The following ELAVL4 variants were observed in gnomAD, a reference collection of about 807,000 sequenced individuals.
The protein encoded by ELAVL4 is ELAV like RNA binding protein 4, also known as ELAV-like protein 4.
ELAVL4 carries 1 observed loss-of-function variant against 35.6 expected under a neutral mutation model. The observed-to-expected ratio is 0.03, with a 90% CI of 0.01 to 0.13. The LOEUF is 0.13. Among genes scored for constraint, ELAVL4 ranks in the 10% least tolerant of loss-of-function variants. The probability of loss-of-function intolerance (pLI) is 1.00; values close to 1 mark genes in which losing one functional copy is unlikely to be tolerated. For synonymous variants in ELAVL4, 156 were observed against 171.0 expected (o/e 0.91, Z 0.69); for missense variants, 267 against 464.9 (o/e 0.57, Z 3.91).
intron 1 of ELAVL4, among the ~76,000 whole-genome samples, chr1:50,091,381 A>G (rs754722380): frequency 1.3e-5 from 2 of 152,168 alleles, no homozygotes; most frequent in African/African-American, 2.4e-5. Flanking sequence ...TAATGAGGCT[A>G]TTTAGAAAGT....
At chr1:50,150,051 G>A (rs373150989) in intron 2 of ELAVL4, among the ~76,000 whole-genome samples, 7 of 152,256 alleles carry the variant, frequency 4.6e-5, no homozygotes, top group African/African-American at 1.7e-4. Context: ...GAAAAGCAAA[G>A]GAATAGAGCT....
chr1:50,201,201 AAT>A lies in ELAVL4; in HGVS notation c.*31_*32del, dbSNP rs1491235383. On this transcript the variant is annotated 3_prime_UTR_variant, in exon 7 of 7. Coordinates refer to ENST00000371824, the MANE Select transcript of ELAVL4 (RefSeq NM_001144774.3). The surrounding 1 kb of genome is among the most constrained non-coding windows in gnomAD (Gnocchi z 4.3). The stretch of plus-strand genomic sequence containing the variant: ...TGAATTTCCCATTCTTACTTACTAA[AAT>A]ATATATAGAAATATATACGAACAAA... 2 of 1,530,298 alleles carry A rather than the reference AAT, an allele frequency of 1.3e-6. No individual in the cohort carries two copies. The highest frequency in any genetic ancestry group is 4.7e-5 in the East Asian group (2 of 42,518). 94.8% of individuals were successfully genotyped at this position (1,530,298 alleles called of 1,614,324 possible). A position where few individuals can be genotyped will look rare whatever the true frequency, so the allele number is the denominator to read the frequency against.
chr1:50,155,456 A>G (rs1372992913), intron 2 of ELAVL4, among the ~76,000 whole-genome samples: 1 of 151,954 alleles, frequency 6.6e-6, no homozygotes, highest in Non-Finnish European at 1.5e-5. Flanking sequence ...AATTTTCCTC[A>G]TCTTTCTTGC....
chr1:50,153,397 T>C lies in ELAVL4; in HGVS notation c.250+8200T>C, dbSNP rs542265278. Reference sequence around the variant, plus strand: ...TGCCTGATCAGTGATTTTATTCCCATTTTGCAGATGCAGAACCCAAGACCT... The same window carrying C: ...TGCCTGATCAGTGATTTTATTCCCACTTTGCAGATGCAGAACCCAAGACCT... On this transcript the variant is annotated intron_variant, in intron 2 of 6. Coordinates refer to ENST00000371824, the MANE Select transcript of ELAVL4 (RefSeq NM_001144774.3). Among the ~76,000 whole-genome samples, 4 of 152,306 alleles carry C rather than the reference T, an allele frequency of 2.6e-5. No individual in the cohort carries two copies. In the East Asian group the frequency reaches 5.8e-4, roughly 22 times the overall value.
chr1:50,163,220 C>T (rs2148767033), intron 2 of ELAVL4, among the ~76,000 whole-genome samples: 1 of 152,270 alleles, frequency 6.6e-6, no homozygotes, highest in Non-Finnish European at 1.5e-5. Flanking sequence ...ATTCAGATAT[C>T]ACATCCTCCA....
At chr1:50,177,005 G>T in intron 2 of ELAVL4, 84 bp from the exon 3 acceptor site, 1 of 1,157,262 alleles carries the variant, frequency 8.6e-7, no homozygotes, top group South Asian at 1.4e-5. Flanking sequence ...CCTCTATAAA[G>T]ATACTGAGCA....
intron 5 of ELAVL4, among the ~76,000 whole-genome samples, chr1:50,197,032 G>C (rs1161411019): frequency 6.6e-6 from 1 of 152,332 alleles, no homozygotes; most frequent in East Asian, 1.9e-4. Flanking sequence ...TTGTGTGCCT[G>C]TGTATTGTTA....
At chr1:50,198,412 G>C (rs1446797742) in intron 6 of ELAVL4, among the ~76,000 whole-genome samples, 5 of 152,116 alleles carry the variant, frequency 3.3e-5, no homozygotes, top group African/African-American at 1.2e-4. Context: ...AAGAGATGTA[G>C]TCTTTAATAG....
At chr1:50,112,432 A>G (rs1667228453) in intron 1 of ELAVL4, among the ~76,000 whole-genome samples, 1 of 152,078 alleles carries the variant, frequency 6.6e-6, no homozygotes, top group Non-Finnish European at 1.5e-5. Context: ...AATGCCTACT[A>G]CCTTCATGTG....
At chr1:50,086,402 G>T (rs1467378397) in intron 1 of ELAVL4, among the ~76,000 whole-genome samples, 1 of 151,060 alleles carries the variant, frequency 6.6e-6, no homozygotes, top group Non-Finnish European at 1.5e-5. Context: ...GAAAAAAATA[G>T]ATTTCAAAAT....
chr1:50,164,544 C>T (rs1677394623), intron 2 of ELAVL4, among the ~76,000 whole-genome samples: 1 of 152,172 alleles, frequency 6.6e-6, no homozygotes, highest in African/African-American at 2.4e-5. Context: ...GTGGCACATG[C>T]CAGTGCTTTG....
intron 3 of ELAVL4, among the ~76,000 whole-genome samples, chr1:50,187,897 A>T (rs1412317328): frequency 6.6e-6 from 1 of 152,108 alleles, no homozygotes; most frequent in African/African-American, 2.4e-5. Flanking sequence ...GGAGTTCGAG[A>T]CCAACCTGGC....
chr1:50,094,635 A>G (rs552239719), intron 1 of ELAVL4, among the ~76,000 whole-genome samples: 2 of 151,944 alleles, frequency 1.3e-5, no homozygotes, highest in East Asian at 3.9e-4. Context: ...GCTGGGTGTG[A>G]TGGCTCATGC....
At chr1:50,097,607 T>C (rs984467969) in intron 1 of ELAVL4, among the ~76,000 whole-genome samples, 6 of 152,140 alleles carry the variant, frequency 3.9e-5, no homozygotes, top group African/African-American at 1.4e-4. Flanking sequence ...TGTTCCCTAG[T>C]GAATTAAAAT....
intron 2 of ELAVL4, among the ~76,000 whole-genome samples, chr1:50,154,505 ACT>A (rs1449398124): frequency 6.6e-6 from 1 of 152,122 alleles, no homozygotes; most frequent in Admixed American, 6.6e-5. Context: ...TAGGGTAATA[ACT>A]CTAATTCCTA....
chr1:50,184,526 C>T (rs749765482), intron 3 of ELAVL4, among the ~76,000 whole-genome samples: 1 of 152,072 alleles, frequency 6.6e-6, no homozygotes, highest in African/African-American at 2.4e-5. Context: ...GTCCCATTCT[C>T]GGCTTCATAT....
chr1:50,084,641 G>C (rs184402864), intron 1 of ELAVL4, among the ~76,000 whole-genome samples: 1 of 152,092 alleles, frequency 6.6e-6, no homozygotes, highest in Non-Finnish European at 1.5e-5. Flanking sequence ...TCTGTTCGTG[G>C]AACAAGTCAA....
chr1:50,150,357 T>C lies in ELAVL4; in HGVS notation c.250+5160T>C, dbSNP rs796412003. Among the ~76,000 whole-genome samples, 4 of 152,228 alleles carry C rather than the reference T, an allele frequency of 2.6e-5. No individual in the cohort carries two copies. The South Asian group carries it at 8.3e-4, about 32-fold the overall frequency. ...ATAAGGCCAAATAAATGACCTTCAC[T>C]ACTGTGGGCAAGAGGGTGGATATTT... is the stretch of plus-strand genomic sequence containing the variant. On this transcript the variant is annotated intron_variant, in intron 2 of 6. Coordinates refer to ENST00000371824, the MANE Select transcript of ELAVL4 (RefSeq NM_001144774.3).
chr1:50,059,490 T>C (rs1386560538), intron 1 of ELAVL4, among the ~76,000 whole-genome samples: 1 of 151,814 alleles, frequency 6.6e-6, no homozygotes, highest in Non-Finnish European at 1.5e-5. Flanking sequence ...CATAATGAGA[T>C]ACCACTTTAC....
Sources: allele counts gnomAD v4.1 joint callset (sites outside exome capture counted in the v4.1 genomes callset), GRCh38; gene constraint gnomAD v4.1.1; non-coding constraint Gnocchi (gnomAD v3.1); transcripts MANE v1.5; gene names NCBI Gene and HGNC (gene_info 2026-07-23, HGNC 2026-07-21).